The following TMEM117 variants were observed in gnomAD, a reference collection of about 807,000 sequenced individuals.
TMEM117 encodes the protein transmembrane protein 117.
TMEM117 carries 27 observed loss-of-function variants against 52.4 expected under a neutral mutation model. That is an observed-to-expected ratio of 0.51 (90% CI 0.38 to 0.71). The LOEUF is 0.71. Among genes scored for constraint, TMEM117 ranks in the 30% least tolerant of loss-of-function variants. TMEM117 has a pLI of 0.00. For missense variants in TMEM117, 556 were observed against 630.5 expected (o/e 0.88, Z 1.26); for synonymous variants, 215 against 206.3 (o/e 1.04, Z -0.36).
intron 3 of TMEM117, among the ~76,000 whole-genome samples, chr12:44,140,313 T>G (rs1215043035): frequency 6.6e-6 from 1 of 152,148 alleles, no homozygotes; most frequent in Non-Finnish European, 1.5e-5. Context: ...GAAAAGTTTT[T>G]CATGATTCAA....
At chr12:43,978,502 A>T (rs1378691528) in intron 3 of TMEM117, among the ~76,000 whole-genome samples, 1 of 152,194 alleles carries the variant, frequency 6.6e-6, no homozygotes, top group Non-Finnish European at 1.5e-5. Context: ...GGTCTCCACC[A>T]AACAGCCACT....
chr12:43,960,305 A>AAGGGGAGAGGGAGAAGGAG (rs1297235889), intron 3 of TMEM117, among the ~76,000 whole-genome samples: 5 of 148,800 alleles, frequency 3.4e-5, no homozygotes, highest in Non-Finnish European at 7.4e-5. Flanking sequence ...GGGGTTGAGT[A>AAGGGGAGAGGGAGAAGGAG]AGGGGAGAGG....
chr12:44,090,801 TTTTG>T (rs1947654241), intron 3 of TMEM117, among the ~76,000 whole-genome samples: 1 of 151,784 alleles, frequency 6.6e-6, no homozygotes, highest in South Asian at 2.1e-4. Context: ...TCTTGTGCCT[TTTTG>T]TTTGTGTACT....
chr12:44,245,214 T>C (rs533584277), intron 5 of TMEM117, among the ~76,000 whole-genome samples: 4 of 152,146 alleles, frequency 2.6e-5, no homozygotes, highest in Admixed American at 6.5e-5. Context: ...TTTTAGAGTT[T>C]TTTTTTCTCT....
chr12:44,349,173 G>A (rs1951530319), intron 6 of TMEM117, among the ~76,000 whole-genome samples: 1 of 151,896 alleles, frequency 6.6e-6, no homozygotes, highest in Admixed American at 6.6e-5. Flanking sequence ...ATTTTCAAAG[G>A]CATAGATTGT....
chr12:44,068,102 C>T (rs945405094), intron 3 of TMEM117, among the ~76,000 whole-genome samples: 11 of 152,122 alleles, frequency 7.2e-5, no homozygotes, highest in African/African-American at 2.2e-4. Flanking sequence ...TCTGCAGCTT[C>T]GTCACTTTTT....
At chr12:44,164,563 G>GA (rs900138599) in intron 4 of TMEM117, among the ~76,000 whole-genome samples, 2 of 151,522 alleles carry the variant, frequency 1.3e-5, no homozygotes, top group Non-Finnish European at 2.9e-5. Context: ...TGAGGGGCTG[G>GA]AAAAAAAACC....
intron 3 of TMEM117, among the ~76,000 whole-genome samples, chr12:44,036,109 A>C (rs940090554): frequency 6.6e-6 from 1 of 152,196 alleles, no homozygotes; most frequent in South Asian, 2.1e-4. Flanking sequence ...CACAGAGATC[A>C]TTACAGATCT....
intron 3 of TMEM117, among the ~76,000 whole-genome samples, chr12:44,025,641 T>G (rs567372174): frequency 6.6e-6 from 1 of 152,268 alleles, no homozygotes; most frequent in South Asian, 2.1e-4. Flanking sequence ...CTGTTGTATT[T>G]TCGAAAAAAA....
At chr12:43,822,132 C>G in the TMEM117 span, among the ~76,000 whole-genome samples, 19,870 of 152,150 alleles carry the variant, frequency 0.13, 1,489 homozygotes, top group Middle Eastern at 0.2. Context: ...AAGATGTATT[C>G]CAGTGCATTT....
intron 3 of TMEM117, among the ~76,000 whole-genome samples, chr12:44,137,502 C>T (rs937142715): frequency 1.3e-5 from 2 of 152,004 alleles, no homozygotes; most frequent in Non-Finnish European, 2.9e-5. Context: ...TTCTTCTTAT[C>T]CATGTTGTCT....
At chr12:44,141,948 C>G (rs1948576837) in intron 3 of TMEM117, among the ~76,000 whole-genome samples, 1 of 152,144 alleles carries the variant, frequency 6.6e-6, no homozygotes, top group South Asian at 2.1e-4. Flanking sequence ...ATCTACTAAG[C>G]TACTTGTGGA....
chr12:44,272,903 T>C (rs1054312087), intron 5 of TMEM117, among the ~76,000 whole-genome samples: 12 of 152,158 alleles, frequency 7.9e-5, no homozygotes, highest in African/African-American at 2.7e-4. Context: ...ATCATGCTGC[T>C]ATAAAGACAC....
intron 2 of TMEM117, among the ~76,000 whole-genome samples, chr12:43,862,224 AG>A (rs1338676054): frequency 1.3e-5 from 2 of 152,182 alleles, no homozygotes; most frequent in Non-Finnish European, 2.9e-5. Context: ...GCTGGAGTGC[AG>A]TGGTGTGCTC....
At chr12:44,214,207 A>G (rs1490452187) in intron 5 of TMEM117, among the ~76,000 whole-genome samples, 1 of 137,448 alleles carries the variant, frequency 7.3e-6, no homozygotes, top group Non-Finnish European at 1.5e-5. Flanking sequence ...AGTGCGTGGC[A>G]CAGTCTCGGC....
intron 2 of TMEM117, among the ~76,000 whole-genome samples, chr12:43,846,697 T>TGCTGTA (rs143763521): frequency 0.037 from 5,685 of 152,210 alleles, 260 homozygotes; most frequent in African/African-American, 0.1. Context: ...TAGTTTTGAG[T>TGCTGTA]GCTGGGTCAA....
chr12:44,140,875 A>G (rs1010106730), intron 3 of TMEM117, among the ~76,000 whole-genome samples: 2 of 152,086 alleles, frequency 1.3e-5, no homozygotes, highest in African/African-American at 4.8e-5. Context: ...GATTTTACTT[A>G]GTCTTTTAGT....
Position 44,388,692 on chromosome 12 carries a change from G to A in TMEM117, c.*20G>A, listed in dbSNP as rs775711178. On this transcript the variant is annotated 3_prime_UTR_variant, in exon 8 of 8. Coordinates refer to ENST00000266534, the MANE Select transcript of TMEM117 (RefSeq NM_032256.3). The stretch of plus-strand genomic sequence containing the variant: ...AACTAGACTCGGAGATAGACTTGGA[G>A]ATAACACAAAAAGCAACCTTGAGTG... The A allele has an allele frequency of 5.6e-6, 9 of 1,602,158 alleles. No individual in the cohort carries two copies. In the East Asian group the frequency reaches 1.8e-4, roughly 32 times the overall value.
chr12:44,126,076 A>T (rs944880822), intron 3 of TMEM117, among the ~76,000 whole-genome samples: 3 of 151,706 alleles, frequency 2.0e-5, no homozygotes, highest in South Asian at 4.2e-4. Flanking sequence ...AGTCTGAGAG[A>T]CTGTTATGAC....
Sources: allele counts gnomAD v4.1 joint callset (sites outside exome capture counted in the v4.1 genomes callset), GRCh38; gene constraint gnomAD v4.1.1; transcripts MANE v1.5; gene names NCBI Gene and HGNC (gene_info 2026-07-23, HGNC 2026-07-21).